Variants in DMD observed in about 807,000 individuals in gnomAD.
DMD encodes the protein mutant dystrophin.
DMD carries 63 observed loss-of-function variants against 330.1 expected under a neutral mutation model. The observed-to-expected ratio is 0.19, with a 90% CI of 0.16 to 0.24. The LOEUF is 0.24. DMD is among the 10% of genes least tolerant of loss of function. The pLI is 1.00. For synonymous variants in DMD, 1,223 were observed against 959.8 expected (o/e 1.27, Z -5.07); for missense variants, 3,344 against 2,684.1 (o/e 1.25, Z -5.43).
At chrX:32,935,305 T>C (rs1469117567) in intron 2 of DMD, among the ~76,000 whole-genome samples, 1 of 112,279 alleles carries the variant, frequency 8.9e-6, no homozygotes, top group Non-Finnish European at 1.9e-5. Flanking sequence ...AAATGAAGTT[T>C]TATTAGACTC....
At chrX:33,250,753 C>G (rs1363699566) in intron 1 of DMD, among the ~76,000 whole-genome samples, 1 of 110,634 alleles carries the variant, frequency 9.0e-6, no homozygotes, top group Non-Finnish European at 1.9e-5. Flanking sequence ...ATATCAAAAC[C>G]ATTTAAAATA....
intron 54 of DMD, among the ~76,000 whole-genome samples, chrX:31,647,100 C>T (rs1173187717): frequency 8.9e-6 from 1 of 112,111 alleles, no homozygotes; most frequent in African/African-American, 3.2e-5. Context: ...GCTCCTGATA[C>T]TCTTGTCTGC....
At chrX:32,462,817 G>C (rs1438635407) in intron 25 of DMD, among the ~76,000 whole-genome samples, 1 of 110,461 alleles carries the variant, frequency 9.1e-6, no homozygotes, top group African/African-American at 3.3e-5. Flanking sequence ...AAATTAGCCA[G>C]GCATGGTGGC....
intron 1 of DMD, among the ~76,000 whole-genome samples, chrX:33,170,021 A>G (rs758945244): frequency 9.0e-6 from 1 of 111,568 alleles, no homozygotes; most frequent in East Asian, 2.8e-4. Context: ...GCTAATGCCC[A>G]GGGCAAGATG....
chrX:32,391,741 A>G (rs1321174048), intron 30 of DMD, among the ~76,000 whole-genome samples: 1 of 111,802 alleles, frequency 8.9e-6, no homozygotes, highest in Non-Finnish European at 1.9e-5. Flanking sequence ...ACATCACAGA[A>G]TCTATAAAAT....
At chrX:32,716,974 G>A (rs928211685) in intron 7 of DMD, among the ~76,000 whole-genome samples, 3 of 111,040 alleles carry the variant, frequency 2.7e-5, no homozygotes, top group Non-Finnish European at 3.8e-5. Flanking sequence ...AACAGTATAC[G>A]GTCATATGTA....
At chrX:31,453,512 G>T (rs1341015319) in intron 59 of DMD, among the ~76,000 whole-genome samples, 1 of 109,947 alleles carries the variant, frequency 9.1e-6, no homozygotes, top group Non-Finnish European at 1.9e-5. Flanking sequence ...GATGAGAAGA[G>T]TTCTGGAGAT....
chrX:31,759,002 C>T (rs1336989100), intron 51 of DMD, among the ~76,000 whole-genome samples: 1 of 111,412 alleles, frequency 9.0e-6, no homozygotes, highest in African/African-American at 3.3e-5. Context: ...GTTTGCTATC[C>T]TAGTTTTACA....
chrX:31,784,118 T>C (rs1394705002), intron 50 of DMD, among the ~76,000 whole-genome samples: 1 of 112,222 alleles, frequency 8.9e-6, no homozygotes, highest in Non-Finnish European at 1.9e-5. Context: ...AGAAAGGCTC[T>C]GAGGTGAGTA....
At chrX:31,308,769 G>A (rs1228103031) in intron 62 of DMD, among the ~76,000 whole-genome samples, 2 of 109,790 alleles carry the variant, frequency 1.8e-5, no homozygotes, top group East Asian at 2.8e-4. Context: ...CAACTCTGTC[G>A]CCCTGGCTGA....
At chrX:33,336,228 TCTGA>T (rs1353954516) in intron 1 of DMD, among the ~76,000 whole-genome samples, 1 of 98,971 alleles carries the variant, frequency 1.0e-5, no homozygotes, top group Non-Finnish European at 2.0e-5. Flanking sequence ...TTTAAACAGT[TCTGA>T]CTTTTTTTTT....
intron 2 of DMD, among the ~76,000 whole-genome samples, chrX:33,007,812 C>G (rs371683083): frequency 2.0e-4 from 22 of 111,528 alleles, no homozygotes; most frequent in African/African-American, 7.1e-4. Flanking sequence ...ACTTCAAGTA[C>G]AGATATGATA....
chrX:32,712,634 G>C (rs374457309), intron 7 of DMD, among the ~76,000 whole-genome samples: 10 of 110,904 alleles, frequency 9.0e-5, no homozygotes, highest in African/African-American at 3.3e-4. Flanking sequence ...TGAATGTCCT[G>C]ACCATAATAT....
At chrX:31,172,088 T>C (rs770805162) in intron 73 of DMD, among the ~76,000 whole-genome samples, 1 of 111,995 alleles carries the variant, frequency 8.9e-6, no homozygotes. Flanking sequence ...CTGCAATTTG[T>C]AATCATATGG....
intron 44 of DMD, among the ~76,000 whole-genome samples, chrX:32,172,734 C>A (rs2096892175): frequency 8.9e-6 from 1 of 112,003 alleles, no homozygotes; most frequent in Non-Finnish European, 1.9e-5. Context: ...ATATGTTATT[C>A]AATTTTCTGT....
chrX:32,255,445 A>C (rs2097294493), intron 43 of DMD, among the ~76,000 whole-genome samples: 1 of 111,519 alleles, frequency 9.0e-6, no homozygotes, highest in Admixed American at 9.6e-5. Flanking sequence ...TGCAAAAAAA[A>C]AAAAAAATGG....
intron 44 of DMD, among the ~76,000 whole-genome samples, chrX:32,203,669 G>A (rs1297834862): frequency 2.7e-5 from 3 of 111,862 alleles, no homozygotes; most frequent in African/African-American, 9.8e-5. Flanking sequence ...CAATGCTCAT[G>A]TCCTCCATTT....
At chrX:31,255,590 G>A (rs2049855198) in intron 63 of DMD, among the ~76,000 whole-genome samples, 1 of 110,517 alleles carries the variant, frequency 9.0e-6, no homozygotes, top group Admixed American at 9.7e-5. Context: ...TGTTTTCTCA[G>A]AATGTACATT....
chrX:31,892,203 T>A lies in DMD; in HGVS notation c.6913-16830A>T, dbSNP rs185911475. 2.7e-5 allele frequency among the ~76,000 whole-genome samples: 3 copies of A among 112,028 alleles called. No individual in the cohort carries two copies. In the East Asian group the frequency reaches 8.4e-4, roughly 31 times the overall value. ...TCTTTTAATTTGCATTCCAAGAAGTTGTGCGTTTCCAAAGCAGTGAAAGAA... is the reference window on the plus strand; with the variant it reads ...TCTTTTAATTTGCATTCCAAGAAGTAGTGCGTTTCCAAAGCAGTGAAAGAA... On this transcript the variant is annotated intron_variant, in intron 47 of 78. Transcript: ENST00000357033.
Sources: allele counts gnomAD v4.1 joint callset (sites outside exome capture counted in the v4.1 genomes callset), GRCh38; gene constraint gnomAD v4.1.1; transcripts MANE v1.5; gene names NCBI Gene and HGNC (gene_info 2026-07-23, HGNC 2026-07-21).